HHIP: variants seen among roughly 807,000 people sequenced by gnomAD.
HHIP encodes hedgehog-interacting protein.
Under a neutral mutation model 74.0 loss-of-function variants are expected in HHIP, and 12 were observed. The ratio of observed to expected loss-of-function variants is 0.16; its 90% CI spans 0.10 to 0.26. The LOEUF (loss-of-function observed/expected upper bound fraction) is 0.26, where lower values mean the gene tolerates loss of function less well. Among genes scored for constraint, HHIP ranks in the 10% least tolerant of loss-of-function variants. HHIP has a pLI of 1.00. For synonymous variants in HHIP, 309 were observed against 311.6 expected (o/e 0.99, Z 0.09); for missense variants, 788 against 845.0 (o/e 0.93, Z 0.84).
At chr4:144,721,283 G>T (rs1730625612) in intron 11 of HHIP, among the ~76,000 whole-genome samples, 1 of 151,692 alleles carries the variant, frequency 6.6e-6, no homozygotes, top group Non-Finnish European at 1.5e-5. Flanking sequence ...CCCTACATGT[G>T]CACACACACA....
chr4:144,714,108 G>A, intron 8 of HHIP, 117 bp from the exon 9 acceptor site: 2 of 827,662 alleles, frequency 2.4e-6, no homozygotes, highest in Non-Finnish European at 3.8e-6. Context: ...GAAACCCTTT[G>A]GTGTATCATA....
chr4:144,727,448 T>C (rs948114081), intron 11 of HHIP, among the ~76,000 whole-genome samples: 6 of 152,172 alleles, frequency 3.9e-5, no homozygotes, highest in Admixed American at 2.0e-4. Flanking sequence ...TAAGTGCCAT[T>C]TTGTGGAATA....
In HHIP at chr4:144,742,865, T is replaced by C. The variant is rs1731290496; in HGVS notation, c.*4908T>C. ...TATATCTTTATATATATATCTTATA[T>C]ATATATCTTTTTATATATATCTTAT... On this transcript the variant is annotated 3_prime_UTR_variant, in exon 13 of 13. Coordinates refer to ENST00000296575, the MANE Select transcript of HHIP (RefSeq NM_022475.3). 1 of 139,808 alleles carries C rather than the reference T, an allele frequency of 7.2e-6. No individual in the cohort carries two copies. Among genetic ancestry groups the C allele is most frequent in the South Asian group, 2.1e-4 (1 of 4,700 alleles). 8.7% of individuals were successfully genotyped at this position (139,808 alleles called of 1,614,324 possible).
At chr4:144,668,920 G>A (rs1728956511) in intron 4 of HHIP, among the ~76,000 whole-genome samples, 1 of 151,874 alleles carries the variant, frequency 6.6e-6, no homozygotes, top group Non-Finnish European at 1.5e-5. Flanking sequence ...ACCTTTCTAT[G>A]ACCAACTTTG....
Position 144,738,143 on chromosome 4 carries a change from A to G in HHIP, c.*186A>G, listed in dbSNP as rs76363511. 8.5e-4 allele frequency: 1,069 copies of G among 1,259,076 alleles called. 8 individuals are homozygous for G. In the African/African-American group the frequency reaches 0.015, roughly 17 times the overall value. The allele number at this position is 1,259,076 out of a possible 1,614,324, so 78.0% of individuals were successfully genotyped here. A position where few individuals can be genotyped will look rare whatever the true frequency, so the allele number is the denominator to read the frequency against. Reference sequence around the variant, plus strand: ...TCAGCATGTTTGTTCACATATGCACATACACATACTCATAACCCCTATATG... The same window carrying G: ...TCAGCATGTTTGTTCACATATGCACGTACACATACTCATAACCCCTATATG... On this transcript the variant is annotated 3_prime_UTR_variant, in exon 13 of 13. Transcript: ENST00000296575.
In HHIP at chr4:144,718,944, T is replaced by C. The variant is rs1730548295; in HGVS notation, c.1748T>C (p.Val583Ala). 1 of 1,596,666 alleles carries C rather than the reference T, an allele frequency of 6.3e-7. No homozygotes were observed. The highest frequency in any genetic ancestry group is 1.3e-5 in the African/African-American group (1 of 74,516). ...QTHNGKLYKI[V>A]DPKRPLMPEE... ...CACAATGGAAAACTCTACAAAATTG[T>C]AGATCCCAAAAGGTGAGATTTCCTT... The change falls in exon 11 of 13, where the codon GTA becomes GCA. Residue 583 changes from valine (V) to alanine (A), a missense_variant. Coordinates refer to ENST00000296575, the MANE Select transcript of HHIP (RefSeq NM_022475.3).
chr4:144,734,858 T>C lies in HHIP; in HGVS notation c.1878T>C (p.Ser626=). 6.2e-7 allele frequency: 1 copy of C among 1,612,440 alleles called. No homozygotes were observed. ...CCCCCACGGGAAAGTGCTGCTGCAG[T>C]CCAGGCTGGGAGGGGGACTTCTGCA... ...YCTPTGKCCC[S]PGWEGDFCRT... Residue 626 remains serine (S), a synonymous_variant, in exon 12 of 13, where the codon AGT becomes AGC. Coordinates refer to ENST00000296575, the MANE Select transcript of HHIP (RefSeq NM_022475.3).
intron 1 of HHIP, 37 bp downstream of exon 1, chr4:144,646,991 A>G (rs200548738): frequency 1.1e-5 from 17 of 1,543,754 alleles, no homozygotes; most frequent in Admixed American, 1.9e-5. Flanking sequence ...CGTACTTGGC[A>G]TATTGGCTGG....
At chr4:144,731,353 G>A (rs1348270848) in intron 11 of HHIP, among the ~76,000 whole-genome samples, 2 of 152,086 alleles carry the variant, frequency 1.3e-5, no homozygotes, top group Non-Finnish European at 2.9e-5. Flanking sequence ...TTGTCCTCAT[G>A]GAGTTCATAT....
intron 9 of HHIP, 110 bp from the exon 10 acceptor site, chr4:144,715,190 G>T: frequency 9.7e-7 from 1 of 1,030,414 alleles, no homozygotes; most frequent in Non-Finnish European, 1.4e-6. Flanking sequence ...TTAGAAGCCA[G>T]GTCTATGGCA....
At chr4:144,689,779 A>G (rs987242899) in intron 4 of HHIP, among the ~76,000 whole-genome samples, 14 of 152,120 alleles carry the variant, frequency 9.2e-5, no homozygotes, top group Admixed American at 4.6e-4. Flanking sequence ...CCTTACTCTA[A>G]TATCTTTTCT....
intron 4 of HHIP, among the ~76,000 whole-genome samples, chr4:144,665,138 G>A (rs1191088778): frequency 3.9e-5 from 6 of 152,102 alleles, no homozygotes; most frequent in African/African-American, 1.2e-4. Context: ...GCAGTGGTGC[G>A]ATCTCAGCTC....
intron 2 of HHIP, among the ~76,000 whole-genome samples, chr4:144,657,855 T>G (rs1728594636): frequency 6.6e-6 from 1 of 152,190 alleles, no homozygotes; most frequent in Non-Finnish European, 1.5e-5. Flanking sequence ...CTCCTATAAG[T>G]GAGGTGCAGG....
Position 144,646,410 on chromosome 4 carries a change from G to T in HHIP, c.-266G>T. The T allele has an allele frequency of 2.5e-6, 1 of 396,888 alleles. No homozygotes were observed. 24.6% of individuals were successfully genotyped at this position (396,888 alleles called of 1,614,324 possible). ...GCAGCAGAAAGCCCCCAACCCAACT[G>T]ACACTGGCACAACTGCAAACGGTGT... On this transcript the variant is annotated 5_prime_UTR_variant, in exon 1 of 13. Coordinates refer to ENST00000296575, the MANE Select transcript of HHIP (RefSeq NM_022475.3).
intron 4 of HHIP, among the ~76,000 whole-genome samples, chr4:144,694,160 A>G (rs934013501): frequency 1.3e-5 from 2 of 151,994 alleles, no homozygotes; most frequent in Non-Finnish European, 2.9e-5. Flanking sequence ...TAATTGACAT[A>G]TAAATCATGA....
At chr4:144,712,449 T>C (rs895124326) in intron 8 of HHIP, among the ~76,000 whole-genome samples, 6 of 152,168 alleles carry the variant, frequency 3.9e-5, no homozygotes, top group Non-Finnish European at 8.8e-5. Context: ...AAGTAAGACA[T>C]TTCTCAATAT....
chr4:144,693,440 AG>A (rs1354468564), intron 4 of HHIP, among the ~76,000 whole-genome samples: 4 of 152,140 alleles, frequency 2.6e-5, no homozygotes, highest in Non-Finnish European at 5.9e-5. Context: ...AAAAATTATA[AG>A]GAACAGAGCT....
chr4:144,713,223 G>T (rs1310801342), intron 8 of HHIP, among the ~76,000 whole-genome samples: 1 of 152,036 alleles, frequency 6.6e-6, no homozygotes, highest in East Asian at 1.9e-4. Context: ...GGAAACTGAG[G>T]CACAGAAAGA....
chr4:144,728,340 G>A (rs753729508), intron 11 of HHIP, among the ~76,000 whole-genome samples: 4 of 152,078 alleles, frequency 2.6e-5, no homozygotes, highest in Non-Finnish European at 4.4e-5. Flanking sequence ...AATATTAGTC[G>A]CAAAGAAGAC....
Sources: gnomAD v4.1 joint callset for allele counts (sites outside exome capture counted in the v4.1 genomes callset) on GRCh38, gnomAD v4.1.1 for gene constraint, MANE v1.5 for transcripts, NCBI Gene and HGNC (gene_info 2026-07-23, HGNC 2026-07-21) for gene names.